The following ENOX2 variants were observed in gnomAD, a reference collection of about 807,000 sequenced individuals.
ENOX2 encodes the protein APK1 antigen.
Under a neutral mutation model 45.0 loss-of-function variants are expected in ENOX2, and 36 were observed. The ratio of observed to expected loss-of-function variants is 0.80; its 90% confidence interval spans 0.61 to 1.06. The LOEUF (loss-of-function observed/expected upper bound fraction) is 1.06. ENOX2 is among the 50% of genes least tolerant of loss of function. The probability of loss-of-function intolerance (pLI) is 0.00; values close to 1 mark genes in which losing one functional copy is unlikely to be tolerated. For synonymous variants in ENOX2, 174 were observed against 152.3 expected, an observed-to-expected ratio of 1.14 and a Z score of -1.05; for missense variants, 423 against 462.5, an observed-to-expected ratio of 0.91 and a Z score of 0.78.
chrX:130,724,289 G>A (rs991520899), intron 3 of ENOX2, among the ~76,000 whole-genome samples: 1 of 112,298 alleles, frequency 8.9e-6, no homozygotes, highest in African/African-American at 3.2e-5. Flanking sequence ...AGATAATATC[G>A]GGGAATCAGG....
At chrX:130,762,958 C>A (rs931964442) in intron 3 of ENOX2, among the ~76,000 whole-genome samples, 1 of 111,195 alleles carries the variant, frequency 9.0e-6, no homozygotes. Context: ...TTTGTCTAAT[C>A]CTCCTTTCAG....
chrX:130,874,572 G>A (rs73555144), intron 2 of ENOX2, among the ~76,000 whole-genome samples: 1,616 of 111,915 alleles, frequency 0.014, 23 homozygotes, highest in African/African-American at 0.05. Flanking sequence ...ACCCTTTTCA[G>A]GTGGAAAGGC....
chrX:130,833,788 G>A lies in ENOX2; in HGVS notation c.-182-50098C>T, dbSNP rs188039379. ...ACTTTGATTTACATCTTGGGTTTAA[G>A]GTCCTTCTTTACCTTTTACTCCTCA... On this transcript the variant is annotated intron_variant, in intron 2 of 14. Coordinates refer to ENST00000394363, the MANE Select transcript of ENOX2 (RefSeq NM_006375.4). Among the ~76,000 whole-genome samples, 516 of 111,484 alleles carry A rather than the reference G, an allele frequency of 4.6e-3. 1 individual carries two copies. Among genetic ancestry groups the A allele is most frequent in the African/African-American group, 9.9e-3 (303 of 30,738 alleles).
intron 2 of ENOX2, among the ~76,000 whole-genome samples, chrX:130,809,155 A>G: frequency 8.9e-6 from 1 of 112,403 alleles, no homozygotes; most frequent in Non-Finnish European, 1.9e-5. Context: ...TAACAGAGAC[A>G]TACTGCTTTA....
intron 12 of ENOX2, among the ~76,000 whole-genome samples, chrX:130,632,148 T>C (rs1326552427): frequency 2.7e-5 from 3 of 110,805 alleles, no homozygotes; most frequent in African/African-American, 9.8e-5. Flanking sequence ...AACTAAAAAT[T>C]AGAGCTTATA....
intron 2 of ENOX2, among the ~76,000 whole-genome samples, chrX:130,791,793 C>T (rs1451021419): frequency 9.0e-6 from 1 of 111,718 alleles, no homozygotes; most frequent in Non-Finnish European, 1.9e-5. Flanking sequence ...GACAATCACA[C>T]ACTCCACTCC....
chrX:130,894,227 T>C (rs1172923115), intron 2 of ENOX2, among the ~76,000 whole-genome samples: 2 of 111,615 alleles, frequency 1.8e-5, no homozygotes, highest in African/African-American at 6.5e-5. Context: ...CCTTTGGATA[T>C]ACACCCAGTA....
chrX:130,792,126 T>C (rs2077053480), intron 2 of ENOX2, among the ~76,000 whole-genome samples: 1 of 112,155 alleles, frequency 8.9e-6, no homozygotes, highest in Admixed American at 9.4e-5. Context: ...GTAGAGGCCA[T>C]TATCCTTAGC....
chrX:130,713,647 T>A (rs2038251192), intron 3 of ENOX2, among the ~76,000 whole-genome samples: 2 of 111,088 alleles, frequency 1.8e-5, no homozygotes, highest in Admixed American at 9.6e-5. Context: ...CTGACTATGG[T>A]CCTCTAATCT....
chrX:130,898,499 T>C (rs779023071), intron 2 of ENOX2, among the ~76,000 whole-genome samples: 10 of 110,485 alleles, frequency 9.1e-5, no homozygotes, highest in Non-Finnish European at 1.9e-4. Flanking sequence ...TGTGCGTGTG[T>C]GTGTGCGTGT....
At chrX:130,847,274 ACTGT>A (rs771099838) in intron 2 of ENOX2, among the ~76,000 whole-genome samples, 2 of 110,781 alleles carry the variant, frequency 1.8e-5, no homozygotes, top group Non-Finnish European at 3.8e-5. Context: ...AACTCCTGAG[ACTGT>A]CTGTGGTTGT....
At chrX:130,650,784 T>C (rs1267511693) in intron 10 of ENOX2, among the ~76,000 whole-genome samples, 2 of 111,906 alleles carry the variant, frequency 1.8e-5, no homozygotes, top group Admixed American at 9.5e-5. Context: ...AAGGCAGCTG[T>C]GAACTCCTCT....
intron 10 of ENOX2, 103 bp from the exon 11 acceptor site, chrX:130,637,513 G>C: frequency 3.1e-6 from 2 of 642,199 alleles, no homozygotes; most frequent in Non-Finnish European, 4.7e-6. Flanking sequence ...AGAACTTCAG[G>C]TTTGAGTTGG....
At chrX:130,631,889 A>G (rs1383202396) in intron 12 of ENOX2, among the ~76,000 whole-genome samples, 2 of 108,945 alleles carry the variant, frequency 1.8e-5, no homozygotes, top group Non-Finnish European at 3.8e-5. Context: ...GTATACTAAC[A>G]AGATGCTAGG....
chrX:130,735,571 A>G (rs966977974), intron 3 of ENOX2, among the ~76,000 whole-genome samples: 1 of 112,364 alleles, frequency 8.9e-6, no homozygotes, highest in Non-Finnish European at 1.9e-5. Flanking sequence ...GAGGAGGACT[A>G]TAAGATTTTT....
At position 130,667,570 on chromosome X, in the gene ENOX2, C is replaced by T; in HGVS notation, c.867G>A (p.Lys289=). ...AAHEKDMEEA[K]EKFKQALSGI... Reference sequence around the variant, plus strand: ...CAGAAAGGGCCTGCTTGAACTTCTCCTTTGCTTCTTCCATATCTTTCTCAT... The same window carrying T: ...CAGAAAGGGCCTGCTTGAACTTCTCTTTTGCTTCTTCCATATCTTTCTCAT... The change falls in exon 8 of 15, where the codon AAG becomes AAA. Residue 289 remains lysine (K), a synonymous_variant. Transcript: ENST00000394363. The T allele has an allele frequency of 8.3e-7, 1 of 1,211,435 alleles. No homozygotes were observed.
chrX:130,888,879 C>T (rs927833475), intron 2 of ENOX2, among the ~76,000 whole-genome samples: 1 of 111,438 alleles, frequency 9.0e-6, no homozygotes, highest in African/African-American at 3.3e-5. Flanking sequence ...AAAGTCAGTC[C>T]ATTTTTCTTC....
intron 2 of ENOX2, among the ~76,000 whole-genome samples, chrX:130,847,215 T>C (rs780285788): frequency 1.9e-4 from 21 of 110,600 alleles, no homozygotes; most frequent in Non-Finnish European, 3.6e-4. Flanking sequence ...ATTGGTCAGA[T>C]ATACTTAAGA....
intron 1 of ENOX2, among the ~76,000 whole-genome samples, 156 bp downstream of exon 1, chrX:130,902,893 C>T (rs1171847004): frequency 9.3e-6 from 1 of 107,907 alleles, no homozygotes. Context: ...CAAAAGCCCA[C>T]CCCCGACTCC....
Sources: gnomAD v4.1 joint callset for allele counts (sites outside exome capture counted in the v4.1 genomes callset) on GRCh38, gnomAD v4.1.1 for gene constraint, MANE v1.5 for transcripts, NCBI Gene and HGNC (gene_info 2026-07-23, HGNC 2026-07-21) for gene names.